Variants in SGCZ observed in about 807,000 individuals in gnomAD.
SGCZ encodes the protein sarcoglycan zeta, also known as zeta-sarcoglycan.
In SGCZ, 40 loss-of-function variants were observed where a neutral mutation model predicts 41.3. The ratio of observed to expected loss-of-function variants is 0.97; its 90% CI spans 0.75 to 1.26. The LOEUF is 1.26. SGCZ is among the 50% of genes most tolerant of loss of function. The pLI, the probability that SGCZ is intolerant of heterozygous loss-of-function variation, is 0.00. For missense variants in SGCZ, 552 were observed against 369.8 expected, an observed-to-expected ratio of 1.49 and a Z score of -4.04; for synonymous variants, 206 against 137.5, an observed-to-expected ratio of 1.50 and a Z score of -3.49.
intron 1 of SGCZ, among the ~76,000 whole-genome samples, chr8:14,598,952 C>G (rs1563142835): frequency 6.6e-6 from 1 of 152,046 alleles, no homozygotes; most frequent in Non-Finnish European, 1.5e-5. Context: ...TTTTATTTTT[C>G]TTCATCAGAT....
intron 3 of SGCZ, among the ~76,000 whole-genome samples, chr8:14,250,130 T>C (rs1423236842): frequency 6.6e-6 from 1 of 152,200 alleles, no homozygotes; most frequent in African/African-American, 2.4e-5. Context: ...AGATTACTCT[T>C]TGAGTAGAAT....
intron 1 of SGCZ, among the ~76,000 whole-genome samples, chr8:14,884,393 T>G: frequency 6.6e-6 from 1 of 152,016 alleles, no homozygotes. Context: ...TATTTATATA[T>G]CAGTATAAGA....
intron 1 of SGCZ, among the ~76,000 whole-genome samples, chr8:14,889,242 C>T (rs1020444911): frequency 4.6e-5 from 7 of 151,950 alleles, no homozygotes; most frequent in Non-Finnish European, 1.0e-4. Flanking sequence ...TTGAATTCCA[C>T]CCTCTCAGCT....
chr8:14,996,514 G>A (rs1392789709), intron 1 of SGCZ, among the ~76,000 whole-genome samples: 2 of 152,080 alleles, frequency 1.3e-5, no homozygotes. Context: ...TGATCATTGA[G>A]CCTCAGCCTC....
chr8:14,601,991 G>A (rs893468956), intron 1 of SGCZ, among the ~76,000 whole-genome samples: 5 of 152,014 alleles, frequency 3.3e-5, no homozygotes, highest in African/African-American at 1.2e-4. Context: ...CTGGTGGCGG[G>A]CGCCTGTAGT....
intron 1 of SGCZ, among the ~76,000 whole-genome samples, chr8:15,110,165 G>C (rs1806991770): frequency 6.6e-6 from 1 of 152,152 alleles, no homozygotes; most frequent in African/African-American, 2.4e-5. Context: ...TTATGGCTTT[G>C]AATTACAGGA....
intron 1 of SGCZ, among the ~76,000 whole-genome samples, chr8:14,887,778 T>C (rs139769223): frequency 1.0e-3 from 153 of 152,214 alleles, no homozygotes; most frequent in Middle Eastern, 3.4e-3. Context: ...CTTAAGAAAA[T>C]AGACACGCAA....
chr8:15,040,093 A>G (rs1018792284), intron 1 of SGCZ, among the ~76,000 whole-genome samples: 1 of 152,254 alleles, frequency 6.6e-6, no homozygotes, highest in Non-Finnish European at 1.5e-5. Context: ...CTCATACAGC[A>G]GCTATTACAC....
rs187416369 is a variant in SGCZ at position 14,304,051 on chromosome 8, C to T, written c.336+20052G>A. Among the ~76,000 whole-genome samples the T allele has an allele frequency of 6.0e-4, 92 of 152,136 alleles. 1 individual carries two copies. The East Asian group carries it at 0.011, about 18-fold the overall frequency. Reference sequence around the variant, plus strand: ...GCAGGCGTGAGCCACTGCACCCGGCCAGTTTGCTATTTTTTAATAATGGCT... The same window carrying T: ...GCAGGCGTGAGCCACTGCACCCGGCTAGTTTGCTATTTTTTAATAATGGCT... On this transcript the variant is annotated intron_variant, in intron 3 of 7. Transcript: ENST00000382080.
chr8:15,229,026 C>G (rs993037330), intron 1 of SGCZ, among the ~76,000 whole-genome samples: 5 of 151,994 alleles, frequency 3.3e-5, no homozygotes, highest in African/African-American at 1.2e-4. Flanking sequence ...AAACCCGTAT[C>G]TACAAAAATA....
At chr8:14,639,377 A>T (rs1358677175) in intron 1 of SGCZ, among the ~76,000 whole-genome samples, 1 of 151,646 alleles carries the variant, frequency 6.6e-6, no homozygotes, top group East Asian at 1.9e-4. Context: ...ATGAGCTCAT[A>T]ATGTCAAAGA....
intron 2 of SGCZ, among the ~76,000 whole-genome samples, chr8:14,501,975 T>C (rs1339596363): frequency 6.6e-6 from 1 of 152,132 alleles, no homozygotes; most frequent in Non-Finnish European, 1.5e-5. Flanking sequence ...GTATAATCCA[T>C]AATCATTTGA....
At chr8:14,218,279 C>T (rs1007942399) in intron 4 of SGCZ, among the ~76,000 whole-genome samples, 1 of 152,070 alleles carries the variant, frequency 6.6e-6, no homozygotes, top group Non-Finnish European at 1.5e-5. Flanking sequence ...TTTGCATTTT[C>T]CTGTATTAGC....
intron 1 of SGCZ, among the ~76,000 whole-genome samples, chr8:15,101,081 C>G (rs1806594476): frequency 1.3e-5 from 2 of 152,070 alleles, no homozygotes; most frequent in African/African-American, 4.8e-5. Context: ...AGACATACGA[C>G]TTATACTTTT....
intron 3 of SGCZ, among the ~76,000 whole-genome samples, chr8:14,261,845 G>A (rs1799679236): frequency 6.6e-6 from 1 of 152,118 alleles, no homozygotes; most frequent in Non-Finnish European, 1.5e-5. Context: ...AACTAACTGG[G>A]CATTTGAAGA....
At chr8:14,375,796 C>T (rs968972103) in intron 2 of SGCZ, among the ~76,000 whole-genome samples, 3 of 151,824 alleles carry the variant, frequency 2.0e-5, no homozygotes, top group Admixed American at 1.3e-4. Context: ...AAATTAAATT[C>T]CCAAATTAAA....
intron 1 of SGCZ, among the ~76,000 whole-genome samples, chr8:15,189,664 T>G (rs1275510504): frequency 6.6e-6 from 1 of 151,954 alleles, no homozygotes; most frequent in Non-Finnish European, 1.5e-5. Flanking sequence ...GCCTCCTACC[T>G]GAGCCTCCCA....
At chr8:14,574,036 G>T (rs1272667463) in intron 1 of SGCZ, among the ~76,000 whole-genome samples, 1 of 152,112 alleles carries the variant, frequency 6.6e-6, no homozygotes, top group African/African-American at 2.4e-5. Flanking sequence ...GGGTCCCATA[G>T]CAGCAATCCA....
chr8:14,433,924 T>G (rs755661560), intron 2 of SGCZ, among the ~76,000 whole-genome samples: 17 of 152,154 alleles, frequency 1.1e-4, no homozygotes, highest in Middle Eastern at 3.4e-3. Flanking sequence ...AGTTGACATT[T>G]TCAGTGATCA....
Sources: gnomAD v4.1 joint callset for allele counts (sites outside exome capture counted in the v4.1 genomes callset) on GRCh38, gnomAD v4.1.1 for gene constraint, MANE v1.5 for transcripts, NCBI Gene and HGNC (gene_info 2026-07-23, HGNC 2026-07-21) for gene names.